Variants in CA10 observed in about 807,000 individuals in gnomAD.
The protein encoded by CA10 is carbonic anhydrase 10 (inactive).
Under a neutral mutation model 44.2 loss-of-function variants are expected in CA10, and 14 were observed. That is an observed-to-expected ratio of 0.32 (90% CI 0.21 to 0.50). CA10 has a LOEUF of 0.50. Ranked by LOEUF, CA10 falls within the 20% of genes least tolerant of loss-of-function variation. The pLI, the probability that CA10 is intolerant of heterozygous loss-of-function variation, is 0.99. For synonymous variants in CA10, 159 were observed against 141.6 expected (o/e 1.12, Z -0.87); for missense variants, 350 against 409.7 (o/e 0.85, Z 1.26).
intron 2 of CA10, among the ~76,000 whole-genome samples, chr17:51,953,455 G>GT (rs761590303): frequency 0.21 from 29,662 of 139,686 alleles, 3,663 homozygotes; most frequent in East Asian, 0.62. Context: ...GGATATTTTT[G>GT]TTTTTTTTTT....
intron 4 of CA10, among the ~76,000 whole-genome samples, chr17:51,698,406 C>T (rs1014895046): frequency 2.6e-5 from 4 of 152,174 alleles, no homozygotes; most frequent in Non-Finnish European, 5.9e-5. Context: ...TGTCTCCCTT[C>T]TGTTTTTCTT....
rs1033382570 is a variant in CA10 at position 51,807,581 on chromosome 17, T to A, written c.280-59763A>T. Among the ~76,000 whole-genome samples the A allele has an allele frequency of 3.3e-5, 5 of 152,336 alleles. No individual in the cohort carries two copies. In the East Asian group the frequency reaches 9.6e-4, roughly 29 times the overall value. ...ATAAAAATGTTCATGCCACCTTTTTTAATAATAGCGCAAAATAGAAATAAC... is the reference window on the plus strand; with the variant it reads ...ATAAAAATGTTCATGCCACCTTTTTAAATAATAGCGCAAAATAGAAATAAC... On this transcript the variant is annotated intron_variant, in intron 3 of 8. Coordinates refer to ENST00000451037, the MANE Select transcript of CA10 (RefSeq NM_020178.5).
chr17:51,994,633 GAGTATCTGATCTACAC>G (rs761727137), intron 2 of CA10, among the ~76,000 whole-genome samples: 5 of 122,180 alleles, frequency 4.1e-5, no homozygotes, highest in Non-Finnish European at 7.3e-5. Context: ...ATCTGGACTT[GAGTATCTGATCTACAC>G]AGACTAAATT....
At chr17:51,686,029 G>GTAA (rs1423669470) in intron 4 of CA10, among the ~76,000 whole-genome samples, 2 of 148,194 alleles carry the variant, frequency 1.3e-5, no homozygotes, top group Admixed American at 1.3e-4. Flanking sequence ...ACCTTGAATT[G>GTAA]TAATAATCCC....
chr17:51,869,160 T>A (rs904719045), intron 3 of CA10, among the ~76,000 whole-genome samples: 1 of 152,126 alleles, frequency 6.6e-6, no homozygotes. Flanking sequence ...AAATTAAGGG[T>A]ACACATACAA....
At chr17:51,794,454 A>C (rs1393891986) in intron 3 of CA10, among the ~76,000 whole-genome samples, 1 of 152,192 alleles carries the variant, frequency 6.6e-6, no homozygotes, top group Non-Finnish European at 1.5e-5. Context: ...GTGTCACCCC[A>C]CTATATTGTA....
At chr17:51,719,738 A>AG (rs1598008117) in intron 4 of CA10, among the ~76,000 whole-genome samples, 2 of 152,026 alleles carry the variant, frequency 1.3e-5, no homozygotes, top group Admixed American at 1.3e-4. Flanking sequence ...AGTAAAAAAA[A>AG]GTTAGCCAGG....
chr17:51,686,314 C>A (rs1915008584), intron 4 of CA10, among the ~76,000 whole-genome samples: 2 of 152,150 alleles, frequency 1.3e-5, no homozygotes. Context: ...GTTACAGGTA[C>A]ATCTTTATTA....
chr17:51,839,349 C>G (rs1341758492), intron 3 of CA10, among the ~76,000 whole-genome samples: 1 of 151,490 alleles, frequency 6.6e-6, no homozygotes, highest in African/African-American at 2.4e-5. Context: ...AAAAATTAGC[C>G]GGGCGTGGTG....
At chr17:52,061,859 A>G (rs1328855747) in intron 2 of CA10, among the ~76,000 whole-genome samples, 1 of 152,154 alleles carries the variant, frequency 6.6e-6, no homozygotes, top group Non-Finnish European at 1.5e-5. Context: ...AAAAAGGACT[A>G]GCACATGGAG....
chr17:51,842,845 A>C (rs1384873682), intron 3 of CA10, among the ~76,000 whole-genome samples: 1 of 152,182 alleles, frequency 6.6e-6, no homozygotes, highest in East Asian at 1.9e-4. Context: ...TCATAAATGA[A>C]CTTCTGAGAG....
chr17:51,920,964 C>T (rs745733774), intron 3 of CA10, among the ~76,000 whole-genome samples: 4 of 152,162 alleles, frequency 2.6e-5, no homozygotes, highest in Non-Finnish European at 5.9e-5. Context: ...TCCAGCTACT[C>T]AGAGTACAAT....
At chr17:51,748,966 T>A (rs1055349940) in intron 3 of CA10, among the ~76,000 whole-genome samples, 2 of 152,154 alleles carry the variant, frequency 1.3e-5, no homozygotes, top group South Asian at 2.1e-4. Flanking sequence ...CACCTTACTG[T>A]AGAATGGAGC....
intron 3 of CA10, among the ~76,000 whole-genome samples, chr17:51,860,233 G>T (rs1184919093): frequency 3.3e-5 from 5 of 152,114 alleles, no homozygotes; most frequent in South Asian, 4.1e-4. Context: ...TGCTTTTACA[G>T]GATCCAGTGC....
At chr17:51,695,471 T>C (rs1915369968) in intron 4 of CA10, among the ~76,000 whole-genome samples, 2 of 152,204 alleles carry the variant, frequency 1.3e-5, no homozygotes, top group African/African-American at 2.4e-5. Context: ...GACTCTCAGC[T>C]TGAATGTTAT....
chr17:52,124,918 C>G (rs2143328707), intron 1 of CA10, among the ~76,000 whole-genome samples: 1 of 152,336 alleles, frequency 6.6e-6, no homozygotes, highest in South Asian at 2.1e-4. Flanking sequence ...AGTCAAGGCC[C>G]TTCATGATCT....
intron 6 of CA10, among the ~76,000 whole-genome samples, chr17:51,647,518 G>A (rs1476665995): frequency 1.3e-5 from 2 of 151,924 alleles, no homozygotes; most frequent in Non-Finnish European, 2.9e-5. Flanking sequence ...GGTGGCACAA[G>A]CCACATCACT....
Position 51,740,999 on chromosome 17 carries a change from A to T in CA10, c.465+6634T>A, listed in dbSNP as rs142366609. Among the ~76,000 whole-genome samples, 507 of 152,284 alleles carry T rather than the reference A, an allele frequency of 3.3e-3. 2 individuals carry two copies. Among genetic ancestry groups the T allele is most frequent in the African/African-American group, 0.012 (478 of 41,542 alleles). On this transcript the variant is annotated intron_variant, in intron 4 of 8. Coordinates refer to ENST00000451037, the MANE Select transcript of CA10 (RefSeq NM_020178.5). ...TCATTTATTATGTTTATTATTTATT[A>T]TCTGTCTCCCCCCGCTAGACTATAA...
intron 1 of CA10, among the ~76,000 whole-genome samples, chr17:52,116,122 G>T (rs1040907563): frequency 6.6e-6 from 1 of 151,814 alleles, no homozygotes; most frequent in East Asian, 1.9e-4. Context: ...CTCCCTGTTG[G>T]AGAAACCCAT....
Sources: gnomAD v4.1 joint callset for allele counts (sites outside exome capture counted in the v4.1 genomes callset) on GRCh38, gnomAD v4.1.1 for gene constraint, MANE v1.5 for transcripts, NCBI Gene and HGNC (gene_info 2026-07-23, HGNC 2026-07-21) for gene names.